Variants in ZNF530 observed in about 807,000 individuals in gnomAD.
ZNF530 encodes zinc finger protein 530.
In ZNF530, 5 loss-of-function variants were observed where a neutral mutation model predicts 2.8. The ratio of observed to expected loss-of-function variants is 1.80; its 90% CI spans 0.94 to 3.78. The LOEUF (loss-of-function observed/expected upper bound fraction) is 3.78, where lower values mean the gene tolerates loss of function less well. Among genes scored for constraint, ZNF530 ranks in the 30% most tolerant of loss-of-function variants. The pLI, the probability that ZNF530 is intolerant of heterozygous loss-of-function variation, is 0.00. For missense variants in ZNF530, 619 were observed against 673.3 expected (o/e 0.92, Z 0.89); for synonymous variants, 229 against 235.0 (o/e 0.97, Z 0.23).
chr19:57,606,775 GC>G lies in ZNF530; in HGVS notation c.1153del (p.Gln385ArgfsTer174). The stretch of plus-strand genomic sequence containing the variant: ...TGCAGTGAATGTGGGAAATCATTTG[GC>G]CAGAAATCTGTCCTCATTCAACACC... The part of the protein sequence containing the change: ...YVCSECGKSF[G>X]QKSVLIQHQR... On this transcript the variant is annotated frameshift_variant, in exon 4 of 4. Transcript: ENST00000597700. LOFTEE classifies it low-confidence loss of function (END_TRUNC). 6.2e-7 allele frequency: 1 copy of G among 1,613,708 alleles called. No homozygotes were observed. The highest frequency in any genetic ancestry group is 8.5e-7 in the Non-Finnish European group (1 of 1,179,912).
intron 3 of ZNF530, 158 bp from the exon 4 acceptor site, chr19:57,605,528 C>T (rs1371026425): frequency 3.0e-6 from 2 of 658,930 alleles, no homozygotes; most frequent in African/African-American, 3.7e-5. Flanking sequence ...CATAAGGCCT[C>T]CCTTGTTCTG....
chr19:57,600,213 G>C (rs1980161941), intron 1 of ZNF530, 79 bp downstream of exon 1: 2 of 1,488,554 alleles, frequency 1.3e-6, no homozygotes, highest in South Asian at 2.5e-5. Context: ...TCTGCAGCCC[G>C]GACCGCACTG....
chr19:57,602,265 C>T (rs1253277208), intron 2 of ZNF530, among the ~76,000 whole-genome samples: 9 of 152,260 alleles, frequency 5.9e-5, no homozygotes, highest in African/African-American at 1.9e-4. Flanking sequence ...GAATCTCTTT[C>T]TTTCTATTCT....
In ZNF530 at chr19:57,608,356, G is replaced by A. The variant is rs1158979927; in HGVS notation, c.*1031G>A. On this transcript the variant is annotated 3_prime_UTR_variant, in exon 4 of 4. Coordinates refer to ENST00000597700, the MANE Select transcript of ZNF530 (RefSeq NM_001321981.2). ...CTTAAAAGGGTATATAACATTTGTG[G>A]GGATTCAAATTTTGTTTGCCTCAGA... 6.6e-6 allele frequency: 1 copy of A among 152,126 alleles called. No individual in the cohort carries two copies. The highest frequency in any genetic ancestry group is 2.4e-5 in the African/African-American group (1 of 41,396). 9.4% of individuals were successfully genotyped at this position (152,126 alleles called of 1,614,324 possible). A position where few individuals can be genotyped will look rare whatever the true frequency, so the allele number is the denominator to read the frequency against.
chr19:57,605,378 C>T (rs921831620), intron 3 of ZNF530: 3 of 244,264 alleles, frequency 1.2e-5, no homozygotes, highest in Non-Finnish European at 2.4e-5. Context: ...GCCTGGACAC[C>T]AATAATCTTC....
downstream of ZNF530, chr19:57,612,465 T>C (rs1980910776): frequency 2.5e-6 from 1 of 400,744 alleles, no homozygotes; most frequent in South Asian, 1.3e-4. Context: ...AATATTCTGA[T>C]AGCACTTTCT....
At chr19:57,601,584 G>A (rs943370237) in intron 2 of ZNF530, among the ~76,000 whole-genome samples, 8 of 152,232 alleles carry the variant, frequency 5.3e-5, no homozygotes, top group African/African-American at 1.7e-4. Flanking sequence ...TGGACACACA[G>A]GTCTTGGACT....
Position 57,600,014 on chromosome 19 carries a change from G to A in ZNF530, c.-242G>A. ...GAGTCGTTTTCTCAGCTGCACAGCC[G>A]GGGCCTGACGGTCGCCGGCGGTGGT... On this transcript the variant is annotated 5_prime_UTR_variant, in exon 1 of 4. Transcript: ENST00000597700. The A allele has an allele frequency of 7.2e-7, 1 of 1,382,128 alleles. No individual in the cohort carries two copies. Among genetic ancestry groups the A allele is most frequent in the Non-Finnish European group, 9.7e-7 (1 of 1,027,320 alleles). The allele number at this position is 1,382,128 out of a possible 1,614,324, so 85.6% of individuals were successfully genotyped here. A position where few individuals can be genotyped will look rare whatever the true frequency, so the allele number is the denominator to read the frequency against.
Position 57,607,116 on chromosome 19 carries a change from A to G in ZNF530, c.1492A>G (p.Ser498Gly), listed in dbSNP as rs777232765. ...TGAATGTGGGAAATCCTATAGCCAA[A>G]GCTCTGCCCTCCTTCAGCATAGGAG... ...CDECGKSYSQ[S>G]SALLQHRRVH... The change falls in exon 4 of 4, where the codon AGC (serine) becomes GGC (glycine). Residue 498 changes from serine to glycine, a missense_variant. Ser to Gly is a moderately conservative substitution (Grantham distance 56). Coordinates refer to ENST00000597700, the MANE Select transcript of ZNF530 (RefSeq NM_001321981.2). 1.2e-6 allele frequency: 2 copies of G among 1,613,900 alleles called. No individual in the cohort carries two copies. The highest frequency in any genetic ancestry group is 1.7e-6 in the Non-Finnish European group (2 of 1,179,966).
In ZNF530 at chr19:57,599,984, G is replaced by T. The variant is rs376527639; in HGVS notation, c.-272G>T. The T allele has an allele frequency of 2.0e-5, 24 of 1,185,098 alleles. No individual in the cohort carries two copies. In the East Asian group the frequency reaches 3.8e-4, roughly 19 times the overall value. The allele number at this position is 1,185,098 out of a possible 1,614,324, so 73.4% of individuals were successfully genotyped here. On this transcript the variant is annotated 5_prime_UTR_variant, in exon 1 of 4. Coordinates refer to ENST00000597700, the MANE Select transcript of ZNF530 (RefSeq NM_001321981.2). ...CTAGGTGCTGACAGCGAGAAGGCGC[G>T]AGGAGAGTCGTTTTCTCAGCTGCAC...
chr19:57,607,413 C>G lies in ZNF530; in HGVS notation c.*88C>G. 2 of 1,315,098 alleles carry G rather than the reference C, an allele frequency of 1.5e-6. No homozygotes were observed. The highest frequency in any genetic ancestry group is 2.1e-6 in the Non-Finnish European group (2 of 975,268). 81.5% of individuals were successfully genotyped at this position (1,315,098 alleles called of 1,614,324 possible). Reference sequence around the variant, plus strand: ...AGGCTGGAGTGCAATTGTGCAATCTCAGCTCACTGCAACCTCCGCCTCCTG... The same window carrying G: ...AGGCTGGAGTGCAATTGTGCAATCTGAGCTCACTGCAACCTCCGCCTCCTG... On this transcript the variant is annotated 3_prime_UTR_variant, in exon 4 of 4. Coordinates refer to ENST00000597700, the MANE Select transcript of ZNF530 (RefSeq NM_001321981.2).
At chr19:57,604,435 C>A (rs11881999) in intron 3 of ZNF530, 29 bp downstream of exon 3, 125,270 of 1,602,622 alleles carry the variant, frequency 0.078, 5,353 homozygotes, top group East Asian at 0.14. Flanking sequence ...TCCCAGTTTC[C>A]TTTGTGGGTC....
intron 1 of ZNF530, 53 bp downstream of exon 1, chr19:57,600,187 G>T (rs1010975075): frequency 5.2e-6 from 8 of 1,536,840 alleles, no homozygotes; most frequent in Non-Finnish European, 7.0e-6. Flanking sequence ...GAAACTGAGG[G>T]ACGCGTGAAG....
At position 57,609,511 on chromosome 19, in the gene ZNF530, T is replaced by C. The variant is rs1980778673; in HGVS notation, c.*2186T>C. On this transcript the variant is annotated 3_prime_UTR_variant, in exon 4 of 4. Transcript: ENST00000597700. ...AAAAAGTAAAAGTAAAAGCTGGGTG[T>C]GGTGGCAGGCACCAGTAATCCTAGC... Among the ~76,000 whole-genome samples the C allele has an allele frequency of 6.6e-6, 1 of 152,148 alleles. No homozygotes were observed. Among genetic ancestry groups the C allele is most frequent in the African/African-American group, 2.4e-5 (1 of 41,422 alleles).
chr19:57,610,797 C>T (rs1285675516), downstream of ZNF530, among the ~76,000 whole-genome samples: 1 of 152,140 alleles, frequency 6.6e-6, no homozygotes, highest in Non-Finnish European at 1.5e-5. Context: ...TCATTGTGCA[C>T]ATCTTATAAT....
At position 57,606,569 on chromosome 19, in the gene ZNF530, A is replaced by G. The variant is rs1980554186; in HGVS notation, c.945A>G (p.Thr315=). Residue 315 remains threonine (T), a synonymous_variant, in exon 4 of 4, where the codon ACA becomes ACG. Coordinates refer to ENST00000597700, the MANE Select transcript of ZNF530 (RefSeq NM_001321981.2). ...LYRHRSAHTS[T]RPYECSECGK... ...GTCACAGGAGTGCCCACACTAGCAC[A>G]AGGCCTTATGAGTGCAGTGAATGTG... The G allele has an allele frequency of 1.2e-6, 2 of 1,613,996 alleles. No homozygotes were observed. The highest frequency in any genetic ancestry group is 1.3e-5 in the African/African-American group (1 of 74,912).
intron 2 of ZNF530, among the ~76,000 whole-genome samples, chr19:57,603,514 G>C (rs553829006): frequency 6.6e-6 from 1 of 152,340 alleles, no homozygotes; most frequent in South Asian, 2.1e-4. Context: ...TCATCTGGGA[G>C]CATCACTTAA....
chr19:57,603,744 G>A lies in ZNF530; in HGVS notation c.-69-533G>A, dbSNP rs148712650. ...GCAGGATATGGGGCTGCCTGTGGCA[G>A]TAGGGACCATCATAGGTCTGGGTAG... On this transcript the variant is annotated intron_variant, in intron 2 of 3. Coordinates refer to ENST00000597700, the MANE Select transcript of ZNF530 (RefSeq NM_001321981.2). Among the ~76,000 whole-genome samples, 874 of 152,354 alleles carry A rather than the reference G, an allele frequency of 5.7e-3. 3 individuals are homozygous for A. Among genetic ancestry groups the A allele is most frequent in the Non-Finnish European group, 9.0e-3 (615 of 68,028 alleles).
chr19:57,603,057 A>C (rs1980320856), intron 2 of ZNF530, among the ~76,000 whole-genome samples: 1 of 151,962 alleles, frequency 6.6e-6, no homozygotes, highest in Non-Finnish European at 1.5e-5. Flanking sequence ...CACCCAGCTA[A>C]TTTTCGTATT....
Sources: gnomAD v4.1 joint callset for allele counts (sites outside exome capture counted in the v4.1 genomes callset) on GRCh38, gnomAD v4.1.1 for gene constraint, MANE v1.5 for transcripts, NCBI Gene and HGNC (gene_info 2026-07-23, HGNC 2026-07-21) for gene names.